MCTP1: variants seen among roughly 807,000 people sequenced by gnomAD.
MCTP1 encodes multiple C2 and transmembrane domain-containing protein 1.
Under a neutral mutation model 120.6 loss-of-function variants are expected in MCTP1, and 69 were observed. The observed-to-expected ratio is 0.57, with a 90% CI of 0.47 to 0.70. MCTP1 has a LOEUF of 0.70. Among genes scored for constraint, MCTP1 ranks in the 30% least tolerant of loss-of-function variants. The pLI, the probability that MCTP1 is intolerant of heterozygous loss-of-function variation, is 0.00. For synonymous variants in MCTP1, 529 were observed against 493.1 expected (o/e 1.07, Z -0.96); for missense variants, 1,203 against 1,248.8 (o/e 0.96, Z 0.55).
chr5:95,107,594 A>C (rs1251959978), intron 1 of MCTP1, among the ~76,000 whole-genome samples: 3 of 152,172 alleles, frequency 2.0e-5, no homozygotes, highest in Admixed American at 2.0e-4. Flanking sequence ...AAAGTAAATA[A>C]AGTTCTGCCT....
intron 1 of MCTP1, among the ~76,000 whole-genome samples, chr5:95,269,368 T>C (rs185124227): frequency 9.2e-5 from 14 of 152,336 alleles, no homozygotes; most frequent in Admixed American, 3.9e-4. Flanking sequence ...AAATATGGAA[T>C]GTATAGCATT....
chr5:94,897,229 ATTTTTTT>A (rs34402712), intron 10 of MCTP1, among the ~76,000 whole-genome samples: 1 of 137,256 alleles, frequency 7.3e-6, no homozygotes, highest in Non-Finnish European at 1.6e-5. Context: ...GGCCTGGCTA[ATTTTTTT>A]TTTTTTTTTG....
At chr5:94,777,353 T>C (rs757999775) in intron 19 of MCTP1, among the ~76,000 whole-genome samples, 1 of 152,180 alleles carries the variant, frequency 6.6e-6, no homozygotes, top group Non-Finnish European at 1.5e-5. Flanking sequence ...TATGTTTTGG[T>C]GAGCTGGTTA....
intron 19 of MCTP1, among the ~76,000 whole-genome samples, chr5:94,723,912 AAG>A (rs1209746914): frequency 6.6e-6 from 1 of 152,096 alleles, no homozygotes; most frequent in African/African-American, 2.4e-5. Context: ...GAAGGAAGAA[AAG>A]AGAGAGAGAG....
At chr5:95,010,686 T>C (rs529792762) in intron 2 of MCTP1, among the ~76,000 whole-genome samples, 3 of 152,248 alleles carry the variant, frequency 2.0e-5, no homozygotes, top group Non-Finnish European at 4.4e-5. Flanking sequence ...TGTTCTTCAT[T>C]CCCACAAAGT....
At chr5:95,188,272 T>C (rs545505453) in intron 1 of MCTP1, among the ~76,000 whole-genome samples, 15 of 152,348 alleles carry the variant, frequency 9.8e-5, no homozygotes, top group African/African-American at 3.1e-4. Context: ...ATGCTGATGA[T>C]GCTGAGAAGT....
chr5:95,034,778 C>T (rs1316555020), intron 1 of MCTP1, among the ~76,000 whole-genome samples: 3 of 151,960 alleles, frequency 2.0e-5, no homozygotes, highest in Non-Finnish European at 4.4e-5. Flanking sequence ...ACAGAGTAGA[C>T]AGACAACCTA....
chr5:94,997,627 T>C (rs1832866311), intron 2 of MCTP1, among the ~76,000 whole-genome samples: 1 of 152,218 alleles, frequency 6.6e-6, no homozygotes, highest in African/African-American at 2.4e-5. Flanking sequence ...GATTACCCTC[T>C]TTCTGCCCCT....
intron 1 of MCTP1, among the ~76,000 whole-genome samples, chr5:95,150,635 T>G (rs1760803982): frequency 6.6e-6 from 1 of 152,248 alleles, no homozygotes; most frequent in Non-Finnish European, 1.5e-5. Flanking sequence ...CATTTTCTAA[T>G]ACTACAAAGG....
intron 19 of MCTP1, among the ~76,000 whole-genome samples, chr5:94,734,703 C>CA (rs1039133216): frequency 2.6e-5 from 4 of 152,304 alleles, no homozygotes; most frequent in African/African-American, 7.2e-5. Context: ...GCAATCCTCC[C>CA]ACCTCGGCCT....
intron 2 of MCTP1, among the ~76,000 whole-genome samples, chr5:95,000,758 CAG>C (rs1198916661): frequency 1.3e-5 from 2 of 151,940 alleles, no homozygotes; most frequent in Non-Finnish European, 2.9e-5. Context: ...TTATTAAAGA[CAG>C]AAAAAAATGT....
chr5:95,274,100 C>A (rs184547554), intron 1 of MCTP1, among the ~76,000 whole-genome samples: 2 of 152,300 alleles, frequency 1.3e-5, no homozygotes, highest in Admixed American at 1.3e-4. Context: ...GTACACGTCT[C>A]AGCCCTCATA....
chr5:94,968,163 T>C (rs1332842023), intron 2 of MCTP1, among the ~76,000 whole-genome samples: 1 of 152,210 alleles, frequency 6.6e-6, no homozygotes. Flanking sequence ...TTTTACCAAG[T>C]ATATTTTAGC....
chr5:95,242,066 T>C (rs1756228453), intron 1 of MCTP1, among the ~76,000 whole-genome samples: 1 of 152,168 alleles, frequency 6.6e-6, no homozygotes, highest in Admixed American at 6.5e-5. Context: ...GAAATGCTTA[T>C]CATCATTTCA....
At chr5:94,733,737 A>G (rs1459909391) in intron 19 of MCTP1, among the ~76,000 whole-genome samples, 1 of 152,162 alleles carries the variant, frequency 6.6e-6, no homozygotes, top group Non-Finnish European at 1.5e-5. Context: ...AGGACAAGGC[A>G]GGCAGATCAC....
chr5:95,211,846 G>A (rs1752419281), intron 1 of MCTP1, among the ~76,000 whole-genome samples: 2 of 152,138 alleles, frequency 1.3e-5, no homozygotes, highest in Admixed American at 6.6e-5. Flanking sequence ...TGTACAGATG[G>A]ATTTTTGGTG....
At chr5:94,778,186 C>A (rs1561619806) in intron 19 of MCTP1, among the ~76,000 whole-genome samples, 3 of 148,982 alleles carry the variant, frequency 2.0e-5, no homozygotes, top group African/African-American at 7.4e-5. Context: ...CTCCTTTCTT[C>A]AAAAAAAAAA....
At chr5:94,999,539 A>G (rs1333891562) in intron 2 of MCTP1, among the ~76,000 whole-genome samples, 1 of 152,232 alleles carries the variant, frequency 6.6e-6, no homozygotes, top group Non-Finnish European at 1.5e-5. Context: ...GTCAGATATT[A>G]TAGACAGAAC....
intron 19 of MCTP1, among the ~76,000 whole-genome samples, chr5:94,734,621 G>A (rs915896806): frequency 1.3e-5 from 2 of 152,162 alleles, no homozygotes; most frequent in East Asian, 1.9e-4. Context: ...TACACCTGGC[G>A]AATTTTTGTA....
Sources: allele counts gnomAD v4.1 joint callset (sites outside exome capture counted in the v4.1 genomes callset), GRCh38; gene constraint gnomAD v4.1.1; transcripts MANE v1.5; gene names NCBI Gene and HGNC (gene_info 2026-07-23, HGNC 2026-07-21).